Variants in ZWILCH observed in about 807,000 individuals in gnomAD.
The protein encoded by ZWILCH is zwilch kinetochore protein.
A neutral mutation model predicts 79.9 loss-of-function variants in ZWILCH; 74 were observed. That is an observed-to-expected ratio of 0.93 (90% confidence interval 0.77 to 1.12). The LOEUF (loss-of-function observed/expected upper bound fraction) is 1.12, where lower values mean the gene tolerates loss of function less well. ZWILCH is among the 50% of genes most tolerant of loss of function. The pLI is 0.00. For synonymous variants in ZWILCH, 241 were observed against 228.2 expected (o/e 1.06, Z -0.51); for missense variants, 694 against 687.5 (o/e 1.01, Z -0.11).
At chr15:66,521,322 C>A in intron 7 of ZWILCH, 117 bp downstream of exon 7, 1 of 1,261,174 alleles carries the variant, frequency 7.9e-7, no homozygotes, top group Non-Finnish European at 1.1e-6. Flanking sequence ...TGAGCTTGGA[C>A]AACTCTGAAA....
chr15:66,532,478 G>A, intron 13 of ZWILCH, 75 bp downstream of exon 13: 1 of 1,347,672 alleles, frequency 7.4e-7, no homozygotes, highest in Non-Finnish European at 1.0e-6. Flanking sequence ...CGGATTTTCT[G>A]TTTCTGCTTG....
rs767156901 is a variant in ZWILCH, at chr15:66,515,494, G to C, written c.202-32G>C. 7.9e-6 allele frequency: 11 copies of C among 1,396,916 alleles called. No homozygotes were observed. The East Asian group carries it at 2.5e-4, about 32-fold the overall frequency. 86.5% of individuals were successfully genotyped at this position (1,396,916 alleles called of 1,614,324 possible). ...CAGCTGCTATCCTATATGCTCTTTT[G>C]TCTGGTTAAATAATTAAGAACATTT... is the stretch of plus-strand genomic sequence containing the variant. On this transcript the variant is annotated intron_variant, in intron 3 of 18. Coordinates refer to ENST00000307897, the MANE Select transcript of ZWILCH (RefSeq NM_017975.5).
intron 8 of ZWILCH, among the ~76,000 whole-genome samples, chr15:66,526,499 G>A (rs1481417205): frequency 1.3e-5 from 2 of 151,146 alleles, no homozygotes; most frequent in Admixed American, 6.6e-5. Context: ...TTGCTCTGTC[G>A]CCCAGGCTGC....
At chr15:66,507,816 C>T (rs1179960913) in intron 1 of ZWILCH, among the ~76,000 whole-genome samples, 2 of 152,024 alleles carry the variant, frequency 1.3e-5, no homozygotes, top group African/African-American at 4.8e-5. Context: ...TCCTGTAGTC[C>T]TAGCTACTCT....
In ZWILCH at chr15:66,532,419, G is replaced by T; in HGVS notation, c.1312+16G>T. On this transcript the variant is annotated intron_variant, in intron 13 of 18. Transcript: ENST00000307897. Reference sequence around the variant, plus strand: ...TTTTTCATAGGTAAGTATCTTTCCTGGCTCAAAAAATTAAAAAACACATCA... The same window carrying T: ...TTTTTCATAGGTAAGTATCTTTCCTTGCTCAAAAAATTAAAAAACACATCA... 1 of 1,581,916 alleles carries T rather than the reference G, an allele frequency of 6.3e-7. No individual in the cohort carries two copies. The highest frequency in any genetic ancestry group is 1.2e-5 in the South Asian group (1 of 85,946).
intron 14 of ZWILCH, among the ~76,000 whole-genome samples, chr15:66,533,363 C>T (rs1429454875): frequency 6.6e-6 from 1 of 152,130 alleles, no homozygotes; most frequent in Non-Finnish European, 1.5e-5. Flanking sequence ...ATTTATATTA[C>T]ACTTGAAAGT....
intron 4 of ZWILCH, among the ~76,000 whole-genome samples, chr15:66,517,455 T>TATATATATATATATAGAGAG (rs1180456312): frequency 6.1e-5 from 7 of 115,214 alleles, no homozygotes; most frequent in African/African-American, 1.8e-4. Flanking sequence ...TATATATATA[T>TATATATATATATATAGAGAG]AGTAATGTAC....
At chr15:66,524,476 G>T (rs930822152) in intron 8 of ZWILCH, 1 of 152,034 alleles carries the variant, frequency 6.6e-6, no homozygotes, top group African/African-American at 2.4e-5. Flanking sequence ...CTTGTAGCTC[G>T]GATCCTGTCA....
chr15:66,540,077 G>T, intron 16 of ZWILCH, 21 bp from the exon 17 acceptor site: 1 of 1,574,506 alleles, frequency 6.4e-7, no homozygotes, highest in Non-Finnish European at 8.6e-7. Context: ...TTTTTCTTTT[G>T]TCGTTTTATT....
intron 7 of ZWILCH, 35 bp downstream of exon 7, chr15:66,521,240 G>T (rs766041715): frequency 6.2e-7 from 1 of 1,600,274 alleles, no homozygotes; most frequent in Non-Finnish European, 8.5e-7. Context: ...TCGGGTTCAT[G>T]AGACTCCTAA....
At position 66,532,523 on chromosome 15, in the gene ZWILCH, C is replaced by T. The variant is rs1894888433; in HGVS notation, c.1312+120C>T. 3 of 823,436 alleles carry T rather than the reference C, an allele frequency of 3.6e-6. No homozygotes were observed. The African/African-American group carries it at 5.4e-5, about 15-fold the overall frequency. 51.0% of individuals were successfully genotyped at this position (823,436 alleles called of 1,614,324 possible). Reference sequence around the variant, plus strand: ...GTCTGTAGTCCTTCCTGGCTTTGTACCTGGTTCACTATGAGATGAGCATTT... The same window carrying T: ...GTCTGTAGTCCTTCCTGGCTTTGTATCTGGTTCACTATGAGATGAGCATTT... On this transcript the variant is annotated intron_variant, in intron 13 of 18. Coordinates refer to ENST00000307897, the MANE Select transcript of ZWILCH (RefSeq NM_017975.5).
intron 13 of ZWILCH, among the ~76,000 whole-genome samples, 171 bp downstream of exon 13, chr15:66,532,574 C>G (rs1255373104): frequency 6.6e-6 from 1 of 151,552 alleles, no homozygotes; most frequent in Non-Finnish European, 1.5e-5. Flanking sequence ...TAGTTTCCCC[C>G]CAATAAAGAT....
intron 7 of ZWILCH, 78 bp downstream of exon 7, chr15:66,521,283 A>G: frequency 6.5e-7 from 1 of 1,531,904 alleles, no homozygotes; most frequent in Non-Finnish European, 8.9e-7. Context: ...CTGGTGCTCC[A>G]TGCCTCTAGC....
chr15:66,531,486 A>G (rs192096091), intron 12 of ZWILCH, among the ~76,000 whole-genome samples: 462 of 152,068 alleles, frequency 3.0e-3, no homozygotes, highest in African/African-American at 0.011. Context: ...TTTGAGTCAG[A>G]GTCTTGCTCT....
In ZWILCH at chr15:66,514,057, G is replaced by T; in HGVS notation, c.175G>T (p.Asp59Tyr). 6.2e-7 allele frequency: 1 copy of T among 1,611,334 alleles called. No individual in the cohort carries two copies. The highest frequency in any genetic ancestry group is 1.1e-5 in the South Asian group (1 of 90,704). The change falls in exon 3 of 19, where the codon GAC becomes TAC. Residue 59 changes from aspartate (D) to tyrosine (Y), a missense_variant. Transcript: ENST00000307897. ...TTTGAAAAATATTCTAAATGAAAAT[G>T]ACATAGTATTCATAGTGGAAAAAGT... ...NPLKNILNEN[D>Y]IVFIVEKVPL...
In ZWILCH at chr15:66,513,688, C is replaced by T. The variant is rs970590283; in HGVS notation, c.106-300C>T. ...CCGGGTTCACACCATTCTCCTGCCTCAGCCTCCTGAGCAGCTGGGACTACA... is the reference window on the plus strand; with the variant it reads ...CCGGGTTCACACCATTCTCCTGCCTTAGCCTCCTGAGCAGCTGGGACTACA... On this transcript the variant is annotated intron_variant, in intron 2 of 18. Coordinates refer to ENST00000307897, the MANE Select transcript of ZWILCH (RefSeq NM_017975.5). Among the ~76,000 whole-genome samples the T allele has an allele frequency of 2.6e-5, 4 of 151,982 alleles. No individual in the cohort carries two copies. In the East Asian group the frequency reaches 7.9e-4, roughly 30 times the overall value.
chr15:66,510,199 T>A (rs947334439), intron 2 of ZWILCH, among the ~76,000 whole-genome samples: 6 of 135,846 alleles, frequency 4.4e-5, no homozygotes, highest in African/African-American at 1.6e-4. Flanking sequence ...AATAATAAAA[T>A]AAAATAAATA....
Position 66,526,662 on chromosome 15 carries a change from C to G in ZWILCH, c.820-628C>G, listed in dbSNP as rs546404740. Among the ~76,000 whole-genome samples, 203 of 152,040 alleles carry G rather than the reference C, an allele frequency of 1.3e-3. 1 individual carries two copies. Among genetic ancestry groups the G allele is most frequent in the African/African-American group, 4.6e-3 (189 of 41,448 alleles). ...TTTTTATAGTAGAGACGGGGTTTCA[C>G]CGTGTTAGCCAGGATGGTCTCGATC... On this transcript the variant is annotated intron_variant, in intron 8 of 18. Transcript: ENST00000307897.
chr15:66,542,200 C>G (rs969588527), intron 17 of ZWILCH, among the ~76,000 whole-genome samples: 3 of 152,128 alleles, frequency 2.0e-5, no homozygotes, highest in Non-Finnish European at 4.4e-5. Context: ...CCTGTAATCC[C>G]AGCACTTTGG....
Sources: allele counts gnomAD v4.1 joint callset (sites outside exome capture counted in the v4.1 genomes callset), GRCh38; gene constraint gnomAD v4.1.1; transcripts MANE v1.5; gene names NCBI Gene and HGNC (gene_info 2026-07-23, HGNC 2026-07-21).